Variants in KDM4C observed in about 807,000 individuals in gnomAD.
KDM4C encodes the protein lysine demethylase 4C, also known as lysine-specific demethylase 4C.
Under a neutral mutation model 129.3 loss-of-function variants are expected in KDM4C, and 81 were observed. The observed-to-expected ratio is 0.63, with a 90% CI of 0.52 to 0.75. The LOEUF is 0.75. Among genes scored for constraint, KDM4C ranks in the 30% least tolerant of loss-of-function variants. KDM4C has a pLI of 0.00. For synonymous variants in KDM4C, 573 were observed against 456.1 expected, an observed-to-expected ratio of 1.26 and a Z score of -3.26; for missense variants, 1,457 against 1,304.0, an observed-to-expected ratio of 1.12 and a Z score of -1.81.
intron 6 of KDM4C, among the ~76,000 whole-genome samples, chr9:6,883,705 G>A (rs926136182): frequency 5.3e-5 from 8 of 152,150 alleles, no homozygotes; most frequent in African/African-American, 1.7e-4. Context: ...CTAGTAGGGA[G>A]GAATTATGGG....
chr9:6,923,575 T>C (rs1443070077), intron 8 of KDM4C, among the ~76,000 whole-genome samples: 1 of 152,218 alleles, frequency 6.6e-6, no homozygotes, highest in Non-Finnish European at 1.5e-5. Flanking sequence ...TGTATTCTTA[T>C]TTGCCGAGGG....
chr9:7,011,690 C>T lies in KDM4C; in HGVS notation c.1787-8C>T. 1.9e-6 allele frequency: 3 copies of T among 1,613,632 alleles called. No individual in the cohort carries two copies. The highest frequency in any genetic ancestry group is 1.7e-6 in the Non-Finnish European group (2 of 1,179,612). On this transcript the variant is annotated splice_region_variant and splice_polypyrimidine_tract_variant and intron_variant, in intron 12 of 21. Transcript: ENST00000381309. ...TGCTCATGGTATTTTCCTGCCTTCT[C>T]CCTTAAGAATTGCCTGAGGTTCTGT...
In KDM4C at chr9:7,128,130, C is replaced by T; in HGVS notation, c.2675C>T (p.Thr892Ile). ...ACGGTCATCACGAAGCATCGGAACA[C>T]CCGGTATTACAGTTGCAGAGTGATG... ...GQTVITKHRN[T>I]RYYSCRVMAV... is the part of the protein sequence containing the mutation. The change falls in exon 19 of 22, where the codon ACC (threonine) becomes ATC (isoleucine). Residue 892 changes from threonine (T) to isoleucine (I), a missense_variant. Thr to Ile is a moderately conservative substitution (Grantham distance 89). Transcript: ENST00000381309. 2 of 1,612,740 alleles carry T rather than the reference C, an allele frequency of 1.2e-6. No homozygotes were observed. The highest frequency in any genetic ancestry group is 1.7e-6 in the Non-Finnish European group (2 of 1,179,480).
rs138912137 is a variant in KDM4C at position 6,921,800 on chromosome 9, C to T, written c.921+28568C>T. ...CCCTGCCCCAACCCCTACCCCCCAT[C>T]TTTGACTTCGAGTTTTACCTCCATG... On this transcript the variant is annotated intron_variant, in intron 8 of 21. Transcript: ENST00000381309. Among the ~76,000 whole-genome samples the T allele has an allele frequency of 3.1e-3, 470 of 152,190 alleles. 1 individual carries two copies. Among genetic ancestry groups the T allele is most frequent in the African/African-American group, 0.011 (447 of 41,506 alleles).
chr9:6,841,120 C>T (rs1358269679), intron 4 of KDM4C, among the ~76,000 whole-genome samples: 1 of 152,166 alleles, frequency 6.6e-6, no homozygotes, highest in Non-Finnish European at 1.5e-5. Context: ...CAGATTCTTA[C>T]AGAATCTAGG....
chr9:7,083,858 T>G (rs745924799), intron 17 of KDM4C, among the ~76,000 whole-genome samples: 1 of 152,156 alleles, frequency 6.6e-6, no homozygotes, highest in African/African-American at 2.4e-5. Flanking sequence ...ACTGTAACTC[T>G]GTGAGAATTT....
chr9:6,822,075 G>A (rs1431009652), intron 4 of KDM4C, among the ~76,000 whole-genome samples: 1 of 152,182 alleles, frequency 6.6e-6, no homozygotes, highest in African/African-American at 2.4e-5. Flanking sequence ...AAAAAACCAA[G>A]ACTCTCAAAG....
chr9:7,005,277 A>G (rs1350796035), intron 12 of KDM4C, among the ~76,000 whole-genome samples: 1 of 152,002 alleles, frequency 6.6e-6, no homozygotes, highest in Non-Finnish European at 1.5e-5. Flanking sequence ...CTCTACTAAA[A>G]ATACAAAGTT....
chr9:6,807,295 A>C (rs193286642), intron 3 of KDM4C, among the ~76,000 whole-genome samples: 150 of 150,456 alleles, frequency 1.0e-3, no homozygotes, highest in African/African-American at 3.6e-3. Context: ...GCCTCTGCCC[A>C]GCCGCCAACC....
intron 5 of KDM4C, among the ~76,000 whole-genome samples, chr9:6,877,790 A>T (rs1177998388): frequency 6.6e-6 from 1 of 152,142 alleles, no homozygotes; most frequent in Non-Finnish European, 1.5e-5. Flanking sequence ...TTCCTTTGTT[A>T]TGTGGAAACA....
intron 4 of KDM4C, among the ~76,000 whole-genome samples, chr9:6,845,272 G>C (rs989544309): frequency 6.6e-6 from 1 of 152,122 alleles, no homozygotes; most frequent in African/African-American, 2.4e-5. Context: ...GGAGTGCAGT[G>C]GCGCAATCAC....
intron 17 of KDM4C, among the ~76,000 whole-genome samples, chr9:7,064,221 A>G (rs1832098495): frequency 6.6e-6 from 1 of 152,208 alleles, no homozygotes; most frequent in Non-Finnish European, 1.5e-5. Context: ...TACACAGCAG[A>G]TTTCAAAGAC....
At chr9:6,800,493 C>CA (rs1828728256) in intron 2 of KDM4C, among the ~76,000 whole-genome samples, 1 of 151,738 alleles carries the variant, frequency 6.6e-6, no homozygotes, top group Non-Finnish European at 1.5e-5. Flanking sequence ...GAGCTGCGAT[C>CA]ATGCCACTAT....
chr9:7,138,334 T>C (rs1321386237), intron 19 of KDM4C, among the ~76,000 whole-genome samples: 1 of 152,246 alleles, frequency 6.6e-6, no homozygotes, highest in East Asian at 1.9e-4. Context: ...GGAGGATATA[T>C]TTGAAAGTCT....
At chr9:6,985,081 C>T (rs1036893084) in intron 10 of KDM4C, among the ~76,000 whole-genome samples, 3 of 152,186 alleles carry the variant, frequency 2.0e-5, no homozygotes, top group Non-Finnish European at 4.4e-5. Context: ...CAGAATCCGA[C>T]TCCCTCTGCT....
chr9:6,836,406 C>A (rs551017978), intron 4 of KDM4C, among the ~76,000 whole-genome samples: 152 of 152,224 alleles, frequency 1.0e-3, no homozygotes, highest in African/African-American at 3.6e-3. Flanking sequence ...TTGTTGAAAT[C>A]TTAATATTTG....
chr9:6,929,471 C>CTTTTTTTTTTTTTTTTT (rs59537472), intron 8 of KDM4C, among the ~76,000 whole-genome samples: 2 of 127,524 alleles, frequency 1.6e-5, no homozygotes, highest in African/African-American at 2.9e-5. Context: ...TTGACTTTTT[C>CTTTTTTTTTTTTTTTTT]TTTTTTTTTT....
intron 4 of KDM4C, chr9:6,834,654 T>C: frequency 1.3e-6 from 1 of 791,642 alleles, no homozygotes; most frequent in Non-Finnish European, 2.3e-6. Flanking sequence ...ATCCTGACCC[T>C]GAAGTGCCTC....
intron 10 of KDM4C, 127 bp from the exon 11 acceptor site, chr9:6,986,217 A>G (rs1817668348): frequency 3.1e-6 from 2 of 636,634 alleles, no homozygotes; most frequent in East Asian, 2.7e-5. Flanking sequence ...GTGTGTGTGC[A>G]TGTATGTGCA....
Sources: gnomAD v4.1 joint callset for allele counts (sites outside exome capture counted in the v4.1 genomes callset) on GRCh38, gnomAD v4.1.1 for gene constraint, MANE v1.5 for transcripts, NCBI Gene and HGNC (gene_info 2026-07-23, HGNC 2026-07-21) for gene names.